Variants in ALDH4A1 observed in about 807,000 individuals in gnomAD.
The protein encoded by ALDH4A1 is aldehyde dehydrogenase 4 family member A1.
Under a neutral mutation model 70.5 loss-of-function variants are expected in ALDH4A1, and 46 were observed. The observed-to-expected ratio is 0.65, with a 90% CI of 0.51 to 0.83. The LOEUF is 0.83. ALDH4A1 is among the 40% of genes least tolerant of loss of function. The pLI, the probability that ALDH4A1 is intolerant of heterozygous loss-of-function variation, is 0.00. For missense variants in ALDH4A1, 749 were observed against 766.5 expected, an observed-to-expected ratio of 0.98 and a Z score of 0.27; for synonymous variants, 323 against 324.3, an observed-to-expected ratio of 1.00 and a Z score of 0.04.
intron 14 of ALDH4A1, 152 bp downstream of exon 14, chr1:18,874,311 C>T (rs1425459697): frequency 4.1e-6 from 3 of 735,024 alleles, no homozygotes; most frequent in Non-Finnish European, 4.7e-6. Context: ...CACGAGTTTG[C>T]TGAAAGGACC....
At chr1:18,897,187 T>G (rs765708129) in intron 1 of ALDH4A1, 4 of 466,482 alleles carry the variant, frequency 8.6e-6, no homozygotes, top group South Asian at 6.3e-5. Context: ...ACTTTGGAAC[T>G]TGGGAGTAGG....
Position 18,875,479 on chromosome 1 carries a change from C to G in ALDH4A1, c.1363G>C (p.Val455Leu). 1 of 1,614,156 alleles carries G rather than the reference C, an allele frequency of 6.2e-7. No individual in the cohort carries two copies. Among genetic ancestry groups the G allele is most frequent in the Non-Finnish European group, 8.5e-7 (1 of 1,180,000 alleles). The stretch of plus-strand genomic sequence containing the variant: ...TACTTGTCATCCGGGTAGACGTACA[C>G]AGACAGTACAGGCCCGAAGATCTCC... ...KEEIFGPVLS[V>L]YVYPDDKYKE... The change falls in exon 13 of 15, where the codon GTG becomes CTG. Residue 455 changes from valine to leucine, a missense_variant. By Grantham distance (32) the Val-to-Leu change is conservative (BLOSUM62 1). Transcript: ENST00000375341.
chr1:18,877,606 C>G lies in ALDH4A1; in HGVS notation c.947G>C (p.Gly316Ala). 1 of 1,609,274 alleles carries G rather than the reference C, an allele frequency of 6.2e-7. No homozygotes were observed. Among genetic ancestry groups the G allele is most frequent in the Admixed American group, 1.7e-5 (1 of 59,862 alleles). Residue 316 changes from glycine (G) to alanine (A), a missense_variant, in exon 10 of 15, where the codon GGC becomes GCC. Gly to Ala is a moderately conservative substitution (Grantham distance 60, BLOSUM62 0). Coordinates refer to ENST00000375341, the MANE Select transcript of ALDH4A1 (RefSeq NM_003748.4). Reference sequence around the variant, plus strand: ...GTGCACGAAGTGGAAGTTCTTTCCGCCGCACTCTACAGGGGTCGGGGGTGG... The same window carrying G: ...GTGCACGAAGTGGAAGTTCTTTCCGGCGCACTCTACAGGGGTCGGGGGTGG... ...HTFPRLAGEC[G>A]GKNFHFVHRS...
At chr1:18,886,001 C>T (rs1052550676) in intron 4 of ALDH4A1, among the ~76,000 whole-genome samples, 4 of 152,196 alleles carry the variant, frequency 2.6e-5, no homozygotes, top group East Asian at 1.9e-4. Context: ...GCCTGAGACA[C>T]GGCTCTGCTG....
chr1:18,888,406 T>C (rs1557622680), intron 3 of ALDH4A1, among the ~76,000 whole-genome samples: 1 of 152,146 alleles, frequency 6.6e-6, no homozygotes, highest in South Asian at 2.1e-4. Flanking sequence ...GAACCCCAAA[T>C]GTCTCGTGCC....
At chr1:18,874,887 C>T (rs1934606004) in intron 13 of ALDH4A1, among the ~76,000 whole-genome samples, 1 of 152,236 alleles carries the variant, frequency 6.6e-6, no homozygotes, top group Non-Finnish European at 1.5e-5. Flanking sequence ...AACTCCAGCT[C>T]CCAGGCCCAC....
At chr1:18,883,998 G>A (rs1323929511) in intron 5 of ALDH4A1, among the ~76,000 whole-genome samples, 1 of 152,212 alleles carries the variant, frequency 6.6e-6, no homozygotes, top group Non-Finnish European at 1.5e-5. Flanking sequence ...GCAGGGAAAA[G>A]AACTGTGGAC....
Position 18,898,476 on chromosome 1 carries a change from T to G in ALDH4A1, c.62+3986A>C, listed in dbSNP as rs1447534009. On this transcript the variant is annotated intron_variant, in intron 1 of 14. Transcript: ENST00000375341. This position sits in a 1 kb window ranked among gnomAD's most constrained non-coding sequence, Gnocchi z 4.3. Reference sequence around the variant, plus strand: ...ACTGCTGGGCCCTGCTGTCTTGATATTCCTGATCGAAGATGATCACTCCAG... The same window carrying G: ...ACTGCTGGGCCCTGCTGTCTTGATAGTCCTGATCGAAGATGATCACTCCAG... Among the ~76,000 whole-genome samples, 1 of 152,222 alleles carries G rather than the reference T, an allele frequency of 6.6e-6. No individual in the cohort carries two copies. The highest frequency in any genetic ancestry group is 1.5e-5 in the Non-Finnish European group (1 of 68,036).
intron 1 of ALDH4A1, chr1:18,890,610 G>A (rs980740291): frequency 1.4e-5 from 12 of 870,572 alleles, no homozygotes; most frequent in South Asian, 5.2e-5. Flanking sequence ...CCAGTCCCAC[G>A]GTTGTGTGTC....
intron 1 of ALDH4A1, among the ~76,000 whole-genome samples, chr1:18,901,854 T>G (rs183747226): frequency 7.2e-4 from 109 of 151,578 alleles, no homozygotes; most frequent in African/African-American, 2.6e-3. Flanking sequence ...ATTTGGTTCA[T>G]TATAAGCACT....
intron 5 of ALDH4A1, among the ~76,000 whole-genome samples, chr1:18,884,612 T>C (rs1935118867): frequency 6.6e-6 from 1 of 152,132 alleles, no homozygotes; most frequent in South Asian, 2.1e-4. Context: ...TCCTGAAAGG[T>C]ATCATGCAAA....
At chr1:18,888,317 C>A (rs764333295) in intron 3 of ALDH4A1, among the ~76,000 whole-genome samples, 1 of 152,188 alleles carries the variant, frequency 6.6e-6, no homozygotes, top group South Asian at 2.1e-4. Context: ...AAGGTGGCTG[C>A]GACCTGGGCC....
At chr1:18,891,009 G>T in intron 1 of ALDH4A1, 2 of 431,068 alleles carry the variant, frequency 4.6e-6, no homozygotes, top group South Asian at 9.7e-5. Context: ...TGAGGTGCCT[G>T]ATTCCAGGAC....
At chr1:18,890,451 G>A (rs1255261058) in intron 1 of ALDH4A1, among the ~76,000 whole-genome samples, 1 of 152,224 alleles carries the variant, frequency 6.6e-6, no homozygotes, top group East Asian at 1.9e-4. Context: ...GGAGGCTGAG[G>A]CAAGAGAATT....
intron 11 of ALDH4A1, 119 bp from the exon 12 acceptor site, chr1:18,876,586 G>C: frequency 1.3e-5 from 16 of 1,234,950 alleles, no homozygotes; most frequent in Non-Finnish European, 1.8e-5. Context: ...TGAAACAGGG[G>C]CAGGGGTAGG....
rs1478950733 is a variant in ALDH4A1, at chr1:18,881,878, C to A, written c.688G>T (p.Val230Phe). ...AGAPALMGNV[V>F]LWKPSDTAML... ...GCAGTGTCACTGGGCTTCCATAGGA[C>A]CACGTTGCCCTGCCCGGGAGGTGTT... Residue 230 changes from valine (V) to phenylalanine (F), a missense_variant, in exon 8 of 15, where the codon GTC (valine) becomes TTC (phenylalanine). Transcript: ENST00000375341. The A allele has an allele frequency of 6.2e-7, 1 of 1,613,444 alleles. No individual in the cohort carries two copies. The highest frequency in any genetic ancestry group is 1.7e-5 in the Admixed American group (1 of 60,014).
chr1:18,900,560 G>A (rs934140102), intron 1 of ALDH4A1, among the ~76,000 whole-genome samples: 1 of 152,154 alleles, frequency 6.6e-6, no homozygotes, highest in African/African-American at 2.4e-5. Context: ...GACATGCAGC[G>A]GGTAAAGGCC....
At chr1:18,879,424 G>A in intron 8 of ALDH4A1, 51 bp from the exon 9 acceptor site, 1 of 1,543,852 alleles carries the variant, frequency 6.5e-7, no homozygotes, top group Non-Finnish European at 8.9e-7. Flanking sequence ...CCAGAGGAAG[G>A]GGGCGGAAAA....
rs1303779106 is a variant in ALDH4A1 at position 18,881,680 on chromosome 1, C to T, written c.866+20G>A. The T allele has an allele frequency of 6.2e-7, 1 of 1,613,682 alleles. No individual in the cohort carries two copies. Among genetic ancestry groups the T allele is most frequent in the South Asian group, 1.1e-5 (1 of 91,070 alleles). On this transcript the variant is annotated intron_variant, in intron 8 of 14. Coordinates refer to ENST00000375341, the MANE Select transcript of ALDH4A1 (RefSeq NM_003748.4). Reference sequence around the variant, plus strand: ...AACGTCCCCTAGCCACCACAGCCTACACCATCCCCAGGGACTTACGGCACA... The same window carrying T: ...AACGTCCCCTAGCCACCACAGCCTATACCATCCCCAGGGACTTACGGCACA...
Sources: allele counts gnomAD v4.1 joint callset (sites outside exome capture counted in the v4.1 genomes callset), GRCh38; gene constraint gnomAD v4.1.1; non-coding constraint Gnocchi (gnomAD v3.1); transcripts MANE v1.5; gene names NCBI Gene and HGNC (gene_info 2026-07-23, HGNC 2026-07-21).